Variants in GNPTAB observed in about 807,000 individuals in gnomAD.
GNPTAB encodes the protein N-acetylglucosamine-1-phosphotransferase subunits alpha/beta.
A neutral mutation model predicts 136.6 loss-of-function variants in GNPTAB; 92 were observed. That is an observed-to-expected ratio of 0.67 (90% CI 0.57 to 0.80). The LOEUF (loss-of-function observed/expected upper bound fraction) is 0.80. GNPTAB is among the 30% of genes least tolerant of loss of function. GNPTAB has a pLI of 0.00. For missense variants in GNPTAB, 1,343 were observed against 1,501.8 expected (o/e 0.89, Z 1.75); for synonymous variants, 512 against 535.1 (o/e 0.96, Z 0.60).
At position 101,769,946 on chromosome 12, in the gene GNPTAB, G is replaced by A. The variant is rs912496071; in HGVS notation, c.1284+75C>T. The A allele has an allele frequency of 6.7e-6, 9 of 1,341,228 alleles. No homozygotes were observed. The Admixed American group carries it at 1.0e-4, about 15-fold the overall frequency. 83.1% of individuals were successfully genotyped at this position (1,341,228 alleles called of 1,614,324 possible). A position where few individuals can be genotyped will look rare whatever the true frequency, so the allele number is the denominator to read the frequency against. On this transcript the variant is annotated intron_variant, in intron 10 of 20. Transcript: ENST00000299314. ...ATGTCTGGCCTGATATTTGACTACA[G>A]TAGTATGTGCACTCATTTTCTGATT... is the stretch of plus-strand genomic sequence containing the variant.
intron 2 of GNPTAB, 147 bp from the exon 3 acceptor site, chr12:101,790,204 G>T: frequency 9.1e-7 from 1 of 1,094,964 alleles, no homozygotes; most frequent in Non-Finnish European, 1.4e-6. Context: ...AGAACTGCAT[G>T]TTTTCAAACT....
At chr12:101,796,364 G>T in intron 2 of GNPTAB, 1 of 688,102 alleles carries the variant, frequency 1.5e-6, no homozygotes, top group South Asian at 1.5e-5. Flanking sequence ...AAAATGTGGT[G>T]AACACACTTT....
chr12:101,796,773 G>T lies in GNPTAB; in HGVS notation c.118-11C>A. 2.5e-6 allele frequency: 4 copies of T among 1,581,916 alleles called. No individual in the cohort carries two copies. Among genetic ancestry groups the T allele is most frequent in the Non-Finnish European group, 3.5e-6 (4 of 1,154,446 alleles). ...CCATTCCAGAACCACCTAGAACAAA[G>T]AAAAAGAAACGTTTTCTTCGCATCA... On this transcript the variant is annotated splice_polypyrimidine_tract_variant and intron_variant, in intron 1 of 20. Coordinates refer to ENST00000299314, the MANE Select transcript of GNPTAB (RefSeq NM_024312.5).
At chr12:101,749,450 C>T (rs1952784323) in intron 19 of GNPTAB, among the ~76,000 whole-genome samples, 1 of 152,206 alleles carries the variant, frequency 6.6e-6, no homozygotes, top group African/African-American at 2.4e-5. Flanking sequence ...ACTTCTGGCA[C>T]TTAAACAAAA....
chr12:101,812,471 T>C (rs931942383), intron 1 of GNPTAB, among the ~76,000 whole-genome samples: 3 of 152,120 alleles, frequency 2.0e-5, no homozygotes, highest in Admixed American at 1.3e-4. Flanking sequence ...AACCTCAAAG[T>C]TGGGCTGGGC....
intron 4 of GNPTAB, among the ~76,000 whole-genome samples, chr12:101,787,856 T>C (rs1594235737): frequency 7.1e-6 from 1 of 141,416 alleles, no homozygotes; most frequent in East Asian, 2.1e-4. Flanking sequence ...GAGGTTGCGG[T>C]GAGCCGAGAT....
intron 1 of GNPTAB, among the ~76,000 whole-genome samples, chr12:101,816,390 C>T (rs1254987822): frequency 6.6e-6 from 1 of 152,074 alleles, no homozygotes; most frequent in East Asian, 1.9e-4. Flanking sequence ...GGCAAAATAT[C>T]AGAATAGACA....
chr12:101,752,519 T>C (rs1419452084), intron 19 of GNPTAB, among the ~76,000 whole-genome samples: 1 of 152,254 alleles, frequency 6.6e-6, no homozygotes, highest in African/African-American at 2.4e-5. Context: ...AGTCTGGTTG[T>C]TGAAGTACTG....
chr12:101,761,720 CTA>C lies in GNPTAB; in HGVS notation c.2757_2758del (p.Asp919GlufsTer21), dbSNP rs757574720. The C allele has an allele frequency of 7.4e-6, 12 of 1,613,914 alleles. No individual in the cohort carries two copies. Among genetic ancestry groups the C allele is most frequent in the Non-Finnish European group, 1.0e-5 (12 of 1,179,842 alleles). On this transcript the variant is annotated frameshift_variant, in exon 14 of 21. Transcript: ENST00000299314. LOFTEE classifies it high-confidence loss of function. The stretch of plus-strand genomic sequence containing the variant: ...TTTTAGTTGCCTCCCAGTATTTTTG[CTA>C]TCAGTGAAGTATGCCAATTGTGTCT...
intron 1 of GNPTAB, among the ~76,000 whole-genome samples, chr12:101,825,159 A>G (rs531948372): frequency 1.3e-5 from 2 of 152,330 alleles, no homozygotes; most frequent in Admixed American, 6.5e-5. Context: ...CTGTGTTGTT[A>G]TTCAGTCCTC....
In GNPTAB at chr12:101,780,284, T is replaced by G; in HGVS notation, c.639A>C (p.Thr213=). The G allele has an allele frequency of 7.4e-6, 12 of 1,614,020 alleles. No homozygotes were observed. Among genetic ancestry groups the G allele is most frequent in the Non-Finnish European group, 9.3e-6 (11 of 1,179,914 alleles). ...SRQTVWRGYL[T]TDKEVPGLVL... ...CTAATCCAGGGACTTCTTTATCTGT[T>G]GTCTAAAATAAGGGGAAAAACATAA... Residue 213 remains threonine, a splice_region_variant and synonymous_variant, in exon 7 of 21, where the codon ACA becomes ACC. Transcript: ENST00000299314.
At chr12:101,794,890 G>A (rs1392472641) in intron 2 of GNPTAB, among the ~76,000 whole-genome samples, 1 of 151,890 alleles carries the variant, frequency 6.6e-6, no homozygotes, top group African/African-American at 2.4e-5. Flanking sequence ...AACACAGTAA[G>A]ACCTCATCTC....
At chr12:101,781,969 C>A (rs553745354) in intron 5 of GNPTAB, among the ~76,000 whole-genome samples, 143 of 152,252 alleles carry the variant, frequency 9.4e-4, no homozygotes, top group African/African-American at 2.3e-3. Context: ...AGAACTTAAC[C>A]AATTCTACCA....
At chr12:101,755,219 T>A (rs1289487136) in intron 18 of GNPTAB, among the ~76,000 whole-genome samples, 1 of 152,188 alleles carries the variant, frequency 6.6e-6, no homozygotes, top group Non-Finnish European at 1.5e-5. Context: ...TGGGTGTGTT[T>A]AGATGAAACA....
intron 1 of GNPTAB, among the ~76,000 whole-genome samples, chr12:101,808,457 A>G (rs985627612): frequency 4.0e-5 from 6 of 151,656 alleles, no homozygotes; most frequent in African/African-American, 1.5e-4. Context: ...TGAGAGGATC[A>G]CTTGAACTCA....
chr12:101,804,082 A>AT (rs1185375167), intron 1 of GNPTAB, among the ~76,000 whole-genome samples: 22 of 151,962 alleles, frequency 1.4e-4, no homozygotes, highest in African/African-American at 5.1e-4. Context: ...AAAAAAAAAA[A>AT]TTTTTAAAGT....
chr12:101,777,159 T>C (rs1953272844), intron 7 of GNPTAB, among the ~76,000 whole-genome samples: 2 of 152,240 alleles, frequency 1.3e-5, no homozygotes, highest in African/African-American at 4.8e-5. Context: ...CCAAGTGATG[T>C]TGAGTGTTTC....
intron 1 of GNPTAB, 97 bp from the exon 2 acceptor site, chr12:101,796,859 G>A (rs1166577200): frequency 2.4e-6 from 2 of 844,576 alleles, no homozygotes; most frequent in Non-Finnish European, 3.9e-6. Context: ...TAGAGAAATG[G>A]GTAAAGAAAT....
rs201316578 is a variant in GNPTAB, at chr12:101,786,132, G to C, written c.451C>G (p.Leu151Val). The change falls in exon 5 of 21, where the codon CTG becomes GTG. Residue 151 changes from leucine (L) to valine (V), a missense_variant. Transcript: ENST00000299314. ...LDPALPANIT[L>V]KDLPSLYPSF... is the part of the protein sequence containing the mutation. ...GGATAAAGAGATGGCAGGTCCTTCA[G>C]GGTGATGTTGGCTGGCAGGGCTGGG... The C allele has an allele frequency of 6.8e-6, 11 of 1,613,962 alleles. No individual in the cohort carries two copies. Among genetic ancestry groups the C allele is most frequent in the Non-Finnish European group, 9.3e-6 (11 of 1,179,976 alleles).
Sources: gnomAD v4.1 joint callset for allele counts (sites outside exome capture counted in the v4.1 genomes callset) on GRCh38, gnomAD v4.1.1 for gene constraint, MANE v1.5 for transcripts, NCBI Gene and HGNC (gene_info 2026-07-23, HGNC 2026-07-21) for gene names.